Variants in MICAL2 observed in about 807,000 individuals in gnomAD.
MICAL2 encodes the protein microtubule associated monooxygenase, calponin and LIM domain containing 2, also known as [F-actin]-monooxygenase MICAL2.
Under a neutral mutation model 127.3 loss-of-function variants are expected in MICAL2, and 77 were observed. The ratio of observed to expected loss-of-function variants is 0.60; its 90% CI spans 0.50 to 0.73. The LOEUF (loss-of-function observed/expected upper bound fraction) is 0.73. Ranked by LOEUF, MICAL2 falls within the 30% of genes least tolerant of loss-of-function variation. The pLI, the probability that MICAL2 is intolerant of heterozygous loss-of-function variation, is 0.00. For missense variants in MICAL2, 1,351 were observed against 1,434.4 expected, an observed-to-expected ratio of 0.94 and a Z score of 0.94; for synonymous variants, 570 against 551.1, an observed-to-expected ratio of 1.03 and a Z score of -0.48.
At chr11:12,261,153 A>G (rs539542890) in intron 26 of MICAL2, 8 of 985,384 alleles carry the variant, frequency 8.1e-6, no homozygotes, top group Non-Finnish European at 9.6e-6. Flanking sequence ...GTTTGTTAGC[A>G]CATCAGGCTA....
chr11:12,152,940 A>G (rs559438296), intron 2 of MICAL2, among the ~76,000 whole-genome samples: 10 of 151,810 alleles, frequency 6.6e-5, no homozygotes, highest in African/African-American at 2.4e-4. Context: ...TGATGGTGGT[A>G]GTGGTGGTAG....
At chr11:12,122,621 C>G (rs1017327929) in intron 1 of MICAL2, among the ~76,000 whole-genome samples, 1 of 152,098 alleles carries the variant, frequency 6.6e-6, no homozygotes, top group Non-Finnish European at 1.5e-5. Context: ...GTTGGCCAGG[C>G]TGATCTCAAC....
At chr11:12,340,661 A>G (rs1446293865) in intron 32 of MICAL2, among the ~76,000 whole-genome samples, 1 of 152,208 alleles carries the variant, frequency 6.6e-6, no homozygotes, top group Non-Finnish European at 1.5e-5. Context: ...AAAATGGATA[A>G]TTTGTGGTAT....
chr11:12,168,957 AAAAAAAG>A (rs1160398572), intron 3 of MICAL2, among the ~76,000 whole-genome samples: 15,224 of 113,150 alleles, frequency 0.13, 650 homozygotes, highest in Non-Finnish European at 0.19. Flanking sequence ...AAAAAAAAAA[AAAAAAAG>A]AAAAGAAAAG....
intron 21 of MICAL2, among the ~76,000 whole-genome samples, chr11:12,246,098 G>GA (rs1284398536): frequency 6.6e-6 from 1 of 152,232 alleles, no homozygotes; most frequent in Non-Finnish European, 1.5e-5. Flanking sequence ...ACTGCTGCAA[G>GA]AAAAGCTCCT....
chr11:12,120,648 G>A (rs1850430309), intron 1 of MICAL2, among the ~76,000 whole-genome samples: 1 of 152,206 alleles, frequency 6.6e-6, no homozygotes, highest in Non-Finnish European at 1.5e-5. Context: ...CATAGGCAGA[G>A]ATGGGCAGAG....
rs528525358 is a variant in MICAL2 at position 12,268,860 on chromosome 11, G to A, written c.3335-7126G>A. On this transcript the variant is annotated intron_variant, in intron 24 of 34. Coordinates refer to the MICAL2 transcript ENST00000646065. ...AAAAAAAAAAAAAAATTAGCCAGGC[G>A]TAGTGGCAGGCGCCTGTAGTCCCAG... Among the ~76,000 whole-genome samples, 545 of 152,102 alleles carry A rather than the reference G, an allele frequency of 3.6e-3. 8 individuals carry two copies. The highest frequency in any genetic ancestry group is 0.013 in the African/African-American group (532 of 41,498).
chr11:12,357,838 AAAAAAAG>A lies in MICAL2; in HGVS notation c.5690-443_5690-437del, dbSNP rs1333609311. 6.6e-5 allele frequency among the ~76,000 whole-genome samples: 10 copies of A among 152,220 alleles called. No homozygotes were observed. In the East Asian group the frequency reaches 1.5e-3, roughly 23 times the overall value. ...GGGCAACAGAGTGAGACTCCATCTC[AAAAAAAG>A]AAAAAAGAAAAAAAAGATTGTGGTC... On this transcript the variant is annotated intron_variant, in intron 34 of 34. Transcript: ENST00000646065.
At chr11:12,201,732 C>T (rs1363092639) in intron 3 of MICAL2, among the ~76,000 whole-genome samples, 5 of 152,190 alleles carry the variant, frequency 3.3e-5, no homozygotes, top group Non-Finnish European at 5.9e-5. Context: ...GAGGACCGAG[C>T]GTGGGACTTG....
rs678260 is a variant in MICAL2, at chr11:12,128,385, A to C, written c.-148-10005A>C. 1.4e-4 allele frequency among the ~76,000 whole-genome samples: 22 copies of C among 152,362 alleles called. No individual in the cohort carries two copies. The East Asian group carries it at 3.3e-3, about 23-fold the overall frequency. On this transcript the variant is annotated intron_variant, in intron 1 of 27. Transcript: ENST00000683283. Reference sequence around the variant, plus strand: ...TAACTGCCCAAGATAATAAGTGTTAACCACATCTTACAGATGAGGAAGCAG... The same window carrying C: ...TAACTGCCCAAGATAATAAGTGTTACCCACATCTTACAGATGAGGAAGCAG...
intron 32 of MICAL2, among the ~76,000 whole-genome samples, chr11:12,346,216 C>T (rs56830240): frequency 0.032 from 4,927 of 152,270 alleles, 294 homozygotes; most frequent in African/African-American, 0.11. Flanking sequence ...CCTGCACTGG[C>T]TCATGGCTGG....
upstream of MICAL2, among the ~76,000 whole-genome samples, chr11:12,271,712 G>A (rs1041288246): frequency 6.6e-6 from 1 of 152,130 alleles, no homozygotes; most frequent in East Asian, 1.9e-4. Context: ...TACGCACACA[G>A]ATGGAGCTGT....
intron 2 of MICAL2, among the ~76,000 whole-genome samples, chr11:12,154,456 A>G (rs947231968): frequency 6.6e-6 from 1 of 152,224 alleles, no homozygotes; most frequent in African/African-American, 2.4e-5. Context: ...AAAGTCATGC[A>G]TGTTCCTGGT....
rs748304331 is a variant in MICAL2 at position 12,244,015 on chromosome 11, A to G, written c.2687A>G (p.His896Arg). The change falls in exon 21 of 28, where the codon CAT becomes CGT. Residue 896 changes from histidine to arginine, a missense_variant. Physicochemically the swap from His to Arg is conservative, Grantham distance 29. This residue lies in a region of MICAL2 where 752 missense variants were observed against 719.4 expected (regional missense o/e 1.05). Transcript: ENST00000683283. ...AAACTACTCTCTAAAGGCCTGTCTCATACTCATCCTCCATCTCCTCCCTCT... is the reference window on the plus strand; with the variant it reads ...AAACTACTCTCTAAAGGCCTGTCTCGTACTCATCCTCCATCTCCTCCCTCT... ...QNKLLSKGLS[H>R]THPPSPPSRL... The G allele has an allele frequency of 4.3e-6, 7 of 1,613,752 alleles. No individual in the cohort carries two copies. Among genetic ancestry groups the G allele is most frequent in the Admixed American group, 1.7e-5 (1 of 60,002 alleles).
intron 2 of MICAL2, chr11:12,286,986 T>C: frequency 2.5e-6 from 1 of 398,008 alleles, no homozygotes; most frequent in Non-Finnish European, 4.4e-6. Flanking sequence ...GTCTATTGAC[T>C]TGTGGTAATT....
At chr11:12,164,798 G>A (rs73414235) in intron 3 of MICAL2, among the ~76,000 whole-genome samples, 2,371 of 152,312 alleles carry the variant, frequency 0.016, 52 homozygotes, top group African/African-American at 0.043. Flanking sequence ...ATGTGAGGGA[G>A]GAGCAAATCC....
At chr11:12,169,670 C>G (rs1193624400) in intron 3 of MICAL2, among the ~76,000 whole-genome samples, 1 of 152,200 alleles carries the variant, frequency 6.6e-6, no homozygotes, top group Admixed American at 6.5e-5. Context: ...AGGCATGAGC[C>G]ACCACACCGT....
chr11:12,361,106 A>G (rs529953430), downstream of MICAL2, among the ~76,000 whole-genome samples: 1 of 152,296 alleles, frequency 6.6e-6, no homozygotes, highest in East Asian at 1.9e-4. Context: ...TCAAGGCCAA[A>G]CTATATAGGA....
Position 12,278,445 on chromosome 11 carries a change from G to A in MICAL2, c.87+2279G>A, listed in dbSNP as rs926112722. Among the ~76,000 whole-genome samples, 7 of 152,288 alleles carry A rather than the reference G, an allele frequency of 4.6e-5. No individual in the cohort carries two copies. In the East Asian group the frequency reaches 9.6e-4, roughly 21 times the overall value. On this transcript the variant is annotated intron_variant, in intron 1 of 2. Transcript: ENST00000529028. ...CTACGATGTTAACAAGGGCTGCGGCGTAAATAGGTGATAGGAATTTTCCCG... is the reference window on the plus strand; with the variant it reads ...CTACGATGTTAACAAGGGCTGCGGCATAAATAGGTGATAGGAATTTTCCCG...
Sources: gnomAD v4.1 joint callset for allele counts (sites outside exome capture counted in the v4.1 genomes callset) on GRCh38, gnomAD v4.1.1 for gene constraint, gnomAD v4.1.1 regional missense constraint, MANE v1.5 for transcripts, NCBI Gene and HGNC (gene_info 2026-07-23, HGNC 2026-07-21) for gene names.